Variants in GNAQ observed in about 807,000 individuals in gnomAD.
GNAQ encodes guanine nucleotide-binding protein G(q) subunit alpha.
A neutral mutation model predicts 43.9 loss-of-function variants in GNAQ; 8 were observed. The ratio of observed to expected loss-of-function variants is 0.18; its 90% CI spans 0.11 to 0.33. The LOEUF (loss-of-function observed/expected upper bound fraction) is 0.33. Among genes scored for constraint, GNAQ ranks in the 10% least tolerant of loss-of-function variants. The pLI, the probability that GNAQ is intolerant of heterozygous loss-of-function variation, is 1.00. For missense variants in GNAQ, 158 were observed against 450.8 expected, an observed-to-expected ratio of 0.35 and a Z score of 5.88; for synonymous variants, 155 against 170.7, an observed-to-expected ratio of 0.91 and a Z score of 0.71.
intron 5 of GNAQ, among the ~76,000 whole-genome samples, chr9:77,759,637 T>C (rs1458272960): frequency 6.6e-6 from 1 of 152,112 alleles, no homozygotes; most frequent in Non-Finnish European, 1.5e-5. Context: ...CCTCCTTCAA[T>C]ACGTAACTTA....
chr9:77,725,793 A>G (rs1825388672), intron 6 of GNAQ, among the ~76,000 whole-genome samples: 2 of 152,072 alleles, frequency 1.3e-5, no homozygotes, highest in Non-Finnish European at 2.9e-5. Context: ...AAAAATCAGC[A>G]ACTGTGAAGT....
intron 1 of GNAQ, among the ~76,000 whole-genome samples, chr9:77,983,855 G>A (rs1007780327): frequency 6.6e-6 from 1 of 151,868 alleles, no homozygotes; most frequent in Non-Finnish European, 1.5e-5. Context: ...GTCAGAACTT[G>A]CTGTATCCTA....
chr9:77,864,041 GA>G (rs1393990498), intron 2 of GNAQ, among the ~76,000 whole-genome samples: 1 of 152,024 alleles, frequency 6.6e-6, no homozygotes, highest in East Asian at 1.9e-4. Context: ...GACTGTACAA[GA>G]AGCATGGCAC....
chr9:77,986,780 AGAATGAGCCAT>A (rs986787006), intron 1 of GNAQ, among the ~76,000 whole-genome samples: 1 of 149,436 alleles, frequency 6.7e-6, no homozygotes, highest in Non-Finnish European at 1.5e-5. Flanking sequence ...TGGGATTACA[AGAATGAGCCAT>A]GGCACCTGGC....
chr9:77,904,853 T>C (rs1318854182), intron 2 of GNAQ, among the ~76,000 whole-genome samples: 1 of 151,878 alleles, frequency 6.6e-6, no homozygotes, highest in Admixed American at 6.6e-5. Flanking sequence ...CTAGATTCTA[T>C]ATGGGATCAT....
At chr9:77,816,503 G>T (rs1012369782) in intron 2 of GNAQ, among the ~76,000 whole-genome samples, 1 of 152,050 alleles carries the variant, frequency 6.6e-6, no homozygotes, top group Admixed American at 6.6e-5. Context: ...AAATAAGATT[G>T]CAATGAAAAT....
intron 3 of GNAQ, among the ~76,000 whole-genome samples, chr9:77,803,585 CA>C (rs1826781186): frequency 6.6e-6 from 1 of 152,110 alleles, no homozygotes. Context: ...TGGAATTAAA[CA>C]ACATATTTTG....
intron 5 of GNAQ, among the ~76,000 whole-genome samples, chr9:77,731,189 G>A (rs972574013): frequency 1.3e-5 from 2 of 152,248 alleles, no homozygotes; most frequent in South Asian, 4.1e-4. Context: ...TAGACTATGT[G>A]CAGAGACAGG....
chr9:77,968,845 T>A (rs1272366691), intron 1 of GNAQ, among the ~76,000 whole-genome samples: 1 of 152,154 alleles, frequency 6.6e-6, no homozygotes, highest in Non-Finnish European at 1.5e-5. Context: ...AACCCCTAAG[T>A]ATGGGGATTT....
At chr9:77,813,080 T>A (rs1470381609) in intron 3 of GNAQ, among the ~76,000 whole-genome samples, 1 of 151,858 alleles carries the variant, frequency 6.6e-6, no homozygotes, top group Non-Finnish European at 1.5e-5. Flanking sequence ...GCCTGGCTAC[T>A]TTTTTGGTAT....
intron 1 of GNAQ, among the ~76,000 whole-genome samples, chr9:77,936,320 AC>A (rs1167967005): frequency 6.6e-6 from 1 of 152,144 alleles, no homozygotes; most frequent in Non-Finnish European, 1.5e-5. Context: ...AGGCCTCATG[AC>A]CCAACAAATG....
chr9:77,894,197 T>C (rs896294713), intron 2 of GNAQ, among the ~76,000 whole-genome samples: 1 of 150,270 alleles, frequency 6.7e-6, no homozygotes, highest in Non-Finnish European at 1.5e-5. Flanking sequence ...TTATCTGTAC[T>C]ACATAGATAA....
intron 2 of GNAQ, among the ~76,000 whole-genome samples, chr9:77,819,898 C>G (rs562711903): frequency 6.6e-6 from 1 of 151,698 alleles, no homozygotes; most frequent in South Asian, 2.1e-4. Context: ...CACTTCCACC[C>G]AGTACTAGCT....
intron 2 of GNAQ, among the ~76,000 whole-genome samples, chr9:77,840,563 C>G (rs1827474073): frequency 6.6e-6 from 1 of 152,094 alleles, no homozygotes; most frequent in Admixed American, 6.6e-5. Context: ...TCTGGAACTC[C>G]TGACCTCAGG....
Position 77,716,864 on chromosome 9 carries a change from G to A in GNAQ, c.*4459C>T, listed in dbSNP as rs1484242201. The A allele has an allele frequency of 4.3e-6, 1 of 232,692 alleles. No homozygotes were observed. The highest frequency in any genetic ancestry group is 8.5e-6 in the Non-Finnish European group (1 of 117,826). The allele number at this position is 232,692 out of a possible 1,614,324, so 14.4% of individuals were successfully genotyped here. A position where few individuals can be genotyped will look rare whatever the true frequency, so the allele number is the denominator to read the frequency against. On this transcript the variant is annotated 3_prime_UTR_variant, in exon 7 of 7. Transcript: ENST00000286548. The stretch of plus-strand genomic sequence containing the variant: ...TGAGCACCTACTATGTGCTAGGTGT[G>A]TATTCATACTTTGAACATATGATTC...
Position 78,016,309 on chromosome 9 carries a change from T to C in GNAQ, c.136+14791A>G, listed in dbSNP as rs1056826549. ...TAGCCAAACCTATCATTTAATCTTATCAGTTCTGTTCTTTTCCCCCTTGGA... is the reference window on the plus strand; with the variant it reads ...TAGCCAAACCTATCATTTAATCTTACCAGTTCTGTTCTTTTCCCCCTTGGA... On this transcript the variant is annotated intron_variant, in intron 1 of 6. Transcript: ENST00000286548. Among the ~76,000 whole-genome samples the C allele has an allele frequency of 2.6e-4, 40 of 152,348 alleles. 1 individual carries two copies. Among genetic ancestry groups the C allele is most frequent in the Admixed American group, 7.8e-4 (12 of 15,308 alleles).
chr9:77,815,648 T>G lies in GNAQ; in HGVS notation c.444A>C (p.Arg148=). The change falls in exon 3 of 7, where the codon CGA becomes CGC. Residue 148 remains arginine (R), a synonymous_variant. Coordinates refer to ENST00000286548, the MANE Select transcript of GNAQ (RefSeq NM_002072.5). ...TAGAGTCAGATAATTGATATTCTCGTCGTCTATCATAGCATTCCTGGATTC... is the reference window on the plus strand; with the variant it reads ...TAGAGTCAGATAATTGATATTCTCGGCGTCTATCATAGCATTCCTGGATTC... ...DPGIQECYDR[R]REYQLSDSTK... The G allele has an allele frequency of 6.2e-7, 1 of 1,602,344 alleles. No homozygotes were observed. Among genetic ancestry groups the G allele is most frequent in the Non-Finnish European group, 8.5e-7 (1 of 1,170,060 alleles).
chr9:77,869,077 C>T (rs1268777679), intron 2 of GNAQ, among the ~76,000 whole-genome samples: 1 of 152,148 alleles, frequency 6.6e-6, no homozygotes, highest in Non-Finnish European at 1.5e-5. Context: ...TTATGAACAA[C>T]ATTGTTTCAA....
At chr9:77,801,064 G>C (rs1826736909) in intron 3 of GNAQ, among the ~76,000 whole-genome samples, 1 of 152,202 alleles carries the variant, frequency 6.6e-6, no homozygotes, top group Admixed American at 6.5e-5. Context: ...AAGGGAAAGT[G>C]TGGTTTTCTG....
Sources: gnomAD v4.1 joint callset for allele counts (sites outside exome capture counted in the v4.1 genomes callset) on GRCh38, gnomAD v4.1.1 for gene constraint, MANE v1.5 for transcripts, NCBI Gene and HGNC (gene_info 2026-07-23, HGNC 2026-07-21) for gene names.